The following CTNNBL1 variants were observed in gnomAD, a reference collection of about 807,000 sequenced individuals.
CTNNBL1 encodes catenin beta like 1.
A neutral mutation model predicts 72.7 loss-of-function variants in CTNNBL1; 31 were observed. The observed-to-expected ratio is 0.43, with a 90% CI of 0.32 to 0.58. CTNNBL1 has a LOEUF of 0.58. Among genes scored for constraint, CTNNBL1 ranks in the 20% least tolerant of loss-of-function variants. The pLI, the probability that CTNNBL1 is intolerant of heterozygous loss-of-function variation, is 0.08. For synonymous variants in CTNNBL1, 240 were observed against 267.3 expected (o/e 0.90, Z 1.00); for missense variants, 534 against 725.1 (o/e 0.74, Z 3.03).
intron 13 of CTNNBL1, among the ~76,000 whole-genome samples, chr20:37,847,092 A>G (rs1279035803): frequency 6.6e-6 from 1 of 152,144 alleles, no homozygotes; most frequent in Admixed American, 6.5e-5. Flanking sequence ...TTATTCCTTA[A>G]CACTAATTTT....
chr20:37,839,049 C>G (rs757885905), intron 11 of CTNNBL1, among the ~76,000 whole-genome samples: 1 of 151,926 alleles, frequency 6.6e-6, no homozygotes, highest in Non-Finnish European at 1.5e-5. Context: ...GGACAAGATG[C>G]GATTACCAGG....
chr20:37,782,896 T>C (rs575131874), intron 10 of CTNNBL1, among the ~76,000 whole-genome samples: 2 of 152,288 alleles, frequency 1.3e-5, no homozygotes, highest in Non-Finnish European at 2.9e-5. Context: ...CCAGTATCAA[T>C]TTTTAAATTT....
At chr20:37,794,910 G>C (rs2073758813) in intron 10 of CTNNBL1, among the ~76,000 whole-genome samples, 2 of 151,850 alleles carry the variant, frequency 1.3e-5, no homozygotes, top group Non-Finnish European at 2.9e-5. Flanking sequence ...TTGCTCCACT[G>C]GCATCTGGCT....
intron 9 of CTNNBL1, 135 bp from the exon 10 acceptor site, chr20:37,779,052 G>T: frequency 1.3e-6 from 1 of 787,278 alleles, no homozygotes; most frequent in African/African-American, 1.7e-5. Context: ...GGAAACTGAT[G>T]AGAATTTTGT....
chr20:37,779,113 G>A, intron 9 of CTNNBL1, 74 bp from the exon 10 acceptor site: 1 of 1,474,548 alleles, frequency 6.8e-7, no homozygotes, highest in Non-Finnish European at 9.4e-7. Context: ...ACAGGTTTTA[G>A]GAATTGTTGG....
At chr20:37,728,867 A>T (rs530797123) in intron 1 of CTNNBL1, among the ~76,000 whole-genome samples, 1 of 152,312 alleles carries the variant, frequency 6.6e-6, no homozygotes, top group South Asian at 2.1e-4. Context: ...TTGGAGAAAC[A>T]GTTGGTGAAC....
intron 11 of CTNNBL1, among the ~76,000 whole-genome samples, chr20:37,829,695 C>G (rs2072191220): frequency 6.6e-6 from 1 of 152,170 alleles, no homozygotes; most frequent in Non-Finnish European, 1.5e-5. Context: ...ATTCCCCCCT[C>G]TTCCCTGTAC....
At chr20:37,826,756 A>G (rs765526568) in intron 11 of CTNNBL1, among the ~76,000 whole-genome samples, 26 of 152,234 alleles carry the variant, frequency 1.7e-4, no homozygotes, top group Non-Finnish European at 3.2e-4. Context: ...TGTCTGTGTC[A>G]GTCATCCATC....
At chr20:37,708,157 A>T (rs2072905547) in intron 1 of CTNNBL1, among the ~76,000 whole-genome samples, 1 of 152,130 alleles carries the variant, frequency 6.6e-6, no homozygotes, top group African/African-American at 2.4e-5. Context: ...AAGTGAACAC[A>T]TGATTTTGGA....
At chr20:37,811,798 A>G (rs2072013821) in intron 11 of CTNNBL1, among the ~76,000 whole-genome samples, 1 of 152,238 alleles carries the variant, frequency 6.6e-6, no homozygotes, top group Non-Finnish European at 1.5e-5. Context: ...CCTCACATTT[A>G]TCGGGCATCT....
intron 11 of CTNNBL1, among the ~76,000 whole-genome samples, chr20:37,833,170 G>GA (rs2072226066): frequency 6.6e-6 from 1 of 152,170 alleles, no homozygotes; most frequent in Admixed American, 6.5e-5. Context: ...TCCATACTCA[G>GA]AACCCCAGAA....
At chr20:37,746,845 T>G (rs1020350613) in intron 4 of CTNNBL1, among the ~76,000 whole-genome samples, 20 of 152,246 alleles carry the variant, frequency 1.3e-4, no homozygotes, top group Admixed American at 6.5e-5. Context: ...TTGCTCTTAT[T>G]AGTACTAGAA....
intron 4 of CTNNBL1, among the ~76,000 whole-genome samples, chr20:37,748,179 G>A (rs926172173): frequency 2.6e-5 from 4 of 152,116 alleles, no homozygotes; most frequent in Non-Finnish European, 5.9e-5. Context: ...TCATCTTTCT[G>A]GTAATCTCTC....
intron 1 of CTNNBL1, among the ~76,000 whole-genome samples, chr20:37,723,949 C>T (rs916148418): frequency 1.3e-5 from 2 of 152,190 alleles, no homozygotes; most frequent in African/African-American, 2.4e-5. Flanking sequence ...AAAATGTCAC[C>T]AGTGAATGTG....
chr20:37,869,609 C>T (rs1245292913), intron 15 of CTNNBL1, among the ~76,000 whole-genome samples: 1 of 152,198 alleles, frequency 6.6e-6, no homozygotes, highest in East Asian at 1.9e-4. Context: ...GCAGTCAGGC[C>T]CACATGTGCT....
chr20:37,739,147 T>A (rs1427772119), intron 3 of CTNNBL1, among the ~76,000 whole-genome samples: 1 of 151,968 alleles, frequency 6.6e-6, no homozygotes, highest in African/African-American at 2.4e-5. Context: ...GAATAGATTG[T>A]CATTCTGAAA....
At chr20:37,733,801 T>G (rs956073409) in intron 2 of CTNNBL1, among the ~76,000 whole-genome samples, 1 of 152,220 alleles carries the variant, frequency 6.6e-6, no homozygotes, top group Non-Finnish European at 1.5e-5. Context: ...TAGTTGTTTA[T>G]TTTGCTCATT....
At chr20:37,864,885 C>T (rs1001651181) in intron 15 of CTNNBL1, among the ~76,000 whole-genome samples, 13 of 152,238 alleles carry the variant, frequency 8.5e-5, no homozygotes, top group Admixed American at 2.0e-4. Flanking sequence ...TTACCGAGCT[C>T]CTACCTCCTC....
intron 10 of CTNNBL1, among the ~76,000 whole-genome samples, chr20:37,785,043 T>G (rs2073660275): frequency 2.0e-5 from 3 of 152,210 alleles, no homozygotes; most frequent in Admixed American, 2.0e-4. Context: ...CCTTCAGCAC[T>G]TTAAATATGT....
Sources: gnomAD v4.1 joint callset for allele counts (sites outside exome capture counted in the v4.1 genomes callset) on GRCh38, gnomAD v4.1.1 for gene constraint, MANE v1.5 for transcripts, NCBI Gene and HGNC (gene_info 2026-07-23, HGNC 2026-07-21) for gene names.